Variants in ADAMTSL1 observed in about 807,000 individuals in gnomAD.
ADAMTSL1 encodes ADAMTS like 1, also known as ADAMTS-like protein 1.
Under a neutral mutation model 201.8 loss-of-function variants are expected in ADAMTSL1, and 126 were observed. The ratio of observed to expected loss-of-function variants is 0.62; its 90% CI spans 0.54 to 0.72. The LOEUF is 0.72. Among genes scored for constraint, ADAMTSL1 ranks in the 30% least tolerant of loss-of-function variants. The probability of loss-of-function intolerance (pLI) is 0.00; values close to 1 mark genes in which losing one functional copy is unlikely to be tolerated. For synonymous variants in ADAMTSL1, 1,121 were observed against 903.4 expected, an observed-to-expected ratio of 1.24 and a Z score of -4.32; for missense variants, 2,679 against 2,277.8, an observed-to-expected ratio of 1.18 and a Z score of -3.59.
chr9:18,136,354 G>A (rs958916680), intron 1 of ADAMTSL1, among the ~76,000 whole-genome samples: 8 of 152,176 alleles, frequency 5.3e-5, no homozygotes, highest in Non-Finnish European at 7.3e-5. Context: ...GACAGTAAAT[G>A]TAAGCAAATT....
chr9:17,938,316 A>C (rs1827095566), intron 1 of ADAMTSL1, among the ~76,000 whole-genome samples: 1 of 152,160 alleles, frequency 6.6e-6, no homozygotes, highest in Non-Finnish European at 1.5e-5. Flanking sequence ...TTGGGTATTG[A>C]GTAACATGAA....
chr9:18,619,543 C>T (rs952961346), intron 4 of ADAMTSL1, among the ~76,000 whole-genome samples: 2 of 152,152 alleles, frequency 1.3e-5, no homozygotes, highest in Non-Finnish European at 2.9e-5. Context: ...AGTCAGGCGT[C>T]TAGCCAAGCT....
intron 4 of ADAMTSL1, among the ~76,000 whole-genome samples, chr9:18,598,103 A>G (rs554801974): frequency 2.0e-4 from 31 of 152,318 alleles, no homozygotes; most frequent in African/African-American, 7.0e-4. Flanking sequence ...CTGTGTGGTT[A>G]ATAGAACAAC....
At chr9:17,975,258 G>T (rs1818398790) in intron 1 of ADAMTSL1, among the ~76,000 whole-genome samples, 1 of 151,282 alleles carries the variant, frequency 6.6e-6, no homozygotes, top group Admixed American at 6.6e-5. Flanking sequence ...TACATGTTTT[G>T]GTTATTGTCT....
At chr9:18,327,098 T>C (rs1834855057) in intron 2 of ADAMTSL1, among the ~76,000 whole-genome samples, 2 of 152,240 alleles carry the variant, frequency 1.3e-5, no homozygotes, top group Non-Finnish European at 2.9e-5. Context: ...ATTTTCAAAT[T>C]ACTGGTACTC....
intron 2 of ADAMTSL1, among the ~76,000 whole-genome samples, chr9:18,254,042 A>G (rs1831572941): frequency 6.6e-6 from 1 of 152,162 alleles, no homozygotes; most frequent in South Asian, 2.1e-4. Context: ...TTTGGGAGGC[A>G]GCACCTCCTC....
chr9:18,149,086 G>C (rs1245238896), intron 1 of ADAMTSL1, among the ~76,000 whole-genome samples: 3 of 152,076 alleles, frequency 2.0e-5, no homozygotes, highest in Admixed American at 2.0e-4. Context: ...AGGAATAGAT[G>C]ATTGATTCCC....
intron 2 of ADAMTSL1, among the ~76,000 whole-genome samples, chr9:18,507,404 G>C (rs1233367903): frequency 6.6e-6 from 1 of 152,136 alleles, no homozygotes; most frequent in East Asian, 1.9e-4. Context: ...ACAATTTAAA[G>C]ATCTACAGTG....
chr9:18,624,027 A>C (rs991482408), intron 5 of ADAMTSL1, among the ~76,000 whole-genome samples: 4 of 152,190 alleles, frequency 2.6e-5, no homozygotes, highest in Non-Finnish European at 5.9e-5. Context: ...GAAGTCCTGA[A>C]AAGGCAGCTT....
intron 2 of ADAMTSL1, among the ~76,000 whole-genome samples, chr9:18,240,601 A>G (rs535958947): frequency 1.9e-3 from 283 of 152,322 alleles, no homozygotes; most frequent in African/African-American, 6.2e-3. Context: ...GACTTCTCCT[A>G]TCTGCTACTG....
At chr9:17,907,679 T>C (rs1825773402) in intron 1 of ADAMTSL1, among the ~76,000 whole-genome samples, 1 of 152,152 alleles carries the variant, frequency 6.6e-6, no homozygotes, top group South Asian at 2.1e-4. Context: ...TTAATTCAGT[T>C]TGCCTGGTAG....
At chr9:18,264,019 C>G (rs1363153471) in intron 2 of ADAMTSL1, among the ~76,000 whole-genome samples, 1 of 152,158 alleles carries the variant, frequency 6.6e-6, no homozygotes, top group African/African-American at 2.4e-5. Context: ...ATTAATCTAT[C>G]TATGCATTAA....
intron 3 of ADAMTSL1, among the ~76,000 whole-genome samples, chr9:18,557,914 T>C (rs1179243310): frequency 6.6e-6 from 1 of 152,078 alleles, no homozygotes; most frequent in East Asian, 1.9e-4. Context: ...GGTAATTATA[T>C]ATAATTAAAA....
intron 2 of ADAMTSL1, among the ~76,000 whole-genome samples, chr9:18,322,290 T>A (rs1308753263): frequency 1.3e-5 from 2 of 151,904 alleles, no homozygotes; most frequent in Non-Finnish European, 2.9e-5. Context: ...TAGAAAAAAA[T>A]TAAGTTAAAG....
intron 21 of ADAMTSL1, among the ~76,000 whole-genome samples, chr9:18,825,663 T>G (rs920420755): frequency 6.6e-6 from 1 of 152,018 alleles, no homozygotes; most frequent in African/African-American, 2.4e-5. Context: ...CAGCCCCCGG[T>G]CAAGACACAG....
At chr9:18,739,500 G>C (rs1818700215) in intron 15 of ADAMTSL1, among the ~76,000 whole-genome samples, 1 of 152,154 alleles carries the variant, frequency 6.6e-6, no homozygotes, top group Non-Finnish European at 1.5e-5. Context: ...GATTTAATAA[G>C]CCAATATAAA....
At chr9:18,825,672 A>G (rs1373926959) in intron 21 of ADAMTSL1, among the ~76,000 whole-genome samples, 2 of 152,096 alleles carry the variant, frequency 1.3e-5, no homozygotes, top group African/African-American at 2.4e-5. Flanking sequence ...GTCAAGACAC[A>G]GAGCATCGCC....
intron 2 of ADAMTSL1, among the ~76,000 whole-genome samples, chr9:18,507,107 A>T (rs970165446): frequency 1.3e-5 from 2 of 152,214 alleles, no homozygotes; most frequent in Non-Finnish European, 2.9e-5. Context: ...TATATGCCCT[A>T]TCATATATTT....
At chr9:18,743,775 C>T (rs1288681013) in intron 15 of ADAMTSL1, among the ~76,000 whole-genome samples, 5 of 152,184 alleles carry the variant, frequency 3.3e-5, no homozygotes, top group Non-Finnish European at 7.3e-5. Context: ...TATTTTTGCT[C>T]TTTAATGTCT....
Sources: allele counts gnomAD v4.1 joint callset (sites outside exome capture counted in the v4.1 genomes callset), GRCh38; gene constraint gnomAD v4.1.1; transcripts MANE v1.5; gene names NCBI Gene and HGNC (gene_info 2026-07-23, HGNC 2026-07-21).